Variants in DIPK2A observed in about 807,000 individuals in gnomAD.
DIPK2A encodes the protein Golgi Protein of 49 kDa.
In DIPK2A, 27 loss-of-function variants were observed where a neutral mutation model predicts 39.0. The observed-to-expected ratio is 0.69, with a 90% CI of 0.51 to 0.96. DIPK2A has a LOEUF of 0.96. Among genes scored for constraint, DIPK2A ranks in the 40% least tolerant of loss-of-function variants. The probability of loss-of-function intolerance (pLI) is 0.00; values close to 1 mark genes in which losing one functional copy is unlikely to be tolerated. For synonymous variants in DIPK2A, 298 were observed against 240.8 expected (o/e 1.24, Z -2.20); for missense variants, 528 against 571.3 (o/e 0.92, Z 0.77).
intron 1 of DIPK2A, among the ~76,000 whole-genome samples, chr3:143,981,697 CAA>C (rs2087831914): frequency 6.6e-6 from 1 of 151,798 alleles, no homozygotes; most frequent in South Asian, 2.1e-4. Context: ...AAAAACAAAA[CAA>C]AAAATAAACC....
intron 1 of DIPK2A, chr3:143,973,391 GTTC>G (rs2087686349): frequency 1.9e-6 from 3 of 1,548,970 alleles, no homozygotes; most frequent in Non-Finnish European, 2.6e-6. Flanking sequence ...ACCTTTCCTA[GTTC>G]TTCTGAAGTG....
At position 143,985,705 on chromosome 3, in the gene DIPK2A, C is replaced by G. The variant is rs1332727263; in HGVS notation, c.820C>G (p.Leu274Val). The change falls in exon 2 of 3, where the codon CTT (leucine) becomes GTT (valine). Residue 274 changes from leucine to valine, a missense_variant. By Grantham distance (32) the Leu-to-Val change is conservative (BLOSUM62 1). Around this residue, in one of 2 missense-constraint regions of DIPK2A, gnomAD observed 219 missense variants for 281.5 expected, o/e 0.78. Coordinates refer to ENST00000315691, the MANE Select transcript of DIPK2A (RefSeq NM_173552.5). ...AWQLMEIAEQ[L>V]TNNDFEFALY... ...GCAATTAATGGAAATAGCAGAACAG[C>G]TTACAAACAATGACTTTGAATTTGC... 1 of 1,614,158 alleles carries G rather than the reference C, an allele frequency of 6.2e-7. No homozygotes were observed. Among genetic ancestry groups the G allele is most frequent in the Non-Finnish European group, 8.5e-7 (1 of 1,180,000 alleles).
chr3:143,987,864 A>G (rs1469615969), intron 2 of DIPK2A, among the ~76,000 whole-genome samples: 1 of 152,164 alleles, frequency 6.6e-6, no homozygotes, highest in Non-Finnish European at 1.5e-5. Context: ...GCCATTAGCA[A>G]CCACCTAATT....
At chr3:143,981,207 A>G (rs1251392842) in intron 1 of DIPK2A, among the ~76,000 whole-genome samples, 1 of 152,216 alleles carries the variant, frequency 6.6e-6, no homozygotes, top group Non-Finnish European at 1.5e-5. Flanking sequence ...AATATACCAT[A>G]GCATACTGTT....
In DIPK2A at chr3:143,989,853, C is replaced by T. The variant is rs758886062; in HGVS notation, c.*12C>T. ...ACAACGTGAGGTAGTCTATGGTGAACTTTTCTTTTTTTCTCCATTTAAACA... is the reference window on the plus strand; with the variant it reads ...ACAACGTGAGGTAGTCTATGGTGAATTTTTCTTTTTTTCTCCATTTAAACA... On this transcript the variant is annotated 3_prime_UTR_variant, in exon 3 of 3. Transcript: ENST00000315691. The T allele has an allele frequency of 3.8e-6, 6 of 1,593,668 alleles. No individual in the cohort carries two copies. The highest frequency in any genetic ancestry group is 5.1e-6 in the Non-Finnish European group (6 of 1,166,082).
chr3:143,973,540 C>T (rs1376597090), intron 1 of DIPK2A: 5 of 1,547,928 alleles, frequency 3.2e-6, no homozygotes, highest in Non-Finnish European at 3.5e-6. Context: ...AGGATGAAGT[C>T]GGAGAACGGG....
rs1424262667 is a variant in DIPK2A, at chr3:143,986,496, G to A, written c.961+650G>A. On this transcript the variant is annotated intron_variant, in intron 2 of 2. Coordinates refer to ENST00000315691, the MANE Select transcript of DIPK2A (RefSeq NM_173552.5). ...TCCCAGCACTTTGGGAGGCCGAGGC[G>A]GGCGGATCACGAGGTCAGGAGATCG... 9.2e-5 allele frequency among the ~76,000 whole-genome samples: 14 copies of A among 152,172 alleles called. 1 individual carries two copies. Among genetic ancestry groups the A allele is most frequent in the Admixed American group, 5.2e-4 (8 of 15,290 alleles).
Position 143,989,680 on chromosome 3 carries a change from T to C in DIPK2A, c.1132T>C (p.Ser378Pro). Residue 378 changes from serine to proline, a missense_variant, in exon 3 of 3, where the codon TCT (serine) becomes CCT (proline). Transcript: ENST00000315691. ...LSRHATWRGT[S>P]GGLLHDPPSE... ...CAGACATGCCACCTGGCGTGGCACT[T>C]CTGGAGGACTCCTTCATGATCCACC... 1 of 1,614,234 alleles carries C rather than the reference T, an allele frequency of 6.2e-7. No homozygotes were observed. The highest frequency in any genetic ancestry group is 8.5e-7 in the Non-Finnish European group (1 of 1,180,042).
intron 1 of DIPK2A, 48 bp from the exon 2 acceptor site, chr3:143,985,495 G>T (rs748684876): frequency 6.7e-7 from 1 of 1,497,908 alleles, no homozygotes; most frequent in Non-Finnish European, 9.2e-7. Flanking sequence ...ATAGACCTAG[G>T]ATATTTTCAT....
At chr3:143,973,111 G>A in intron 1 of DIPK2A, 122 bp downstream of exon 1, 1 of 1,348,622 alleles carries the variant, frequency 7.4e-7, no homozygotes, top group Non-Finnish European at 1.0e-6. Flanking sequence ...GGGCCAGGCT[G>A]CAGGCGTGGG....
At position 143,973,625 on chromosome 3, in the gene DIPK2A, C is replaced by T. The variant is rs2087689494; in HGVS notation, c.657+636C>T. On this transcript the variant is annotated intron_variant, in intron 1 of 2. Transcript: ENST00000315691. Reference sequence around the variant, plus strand: ...AGAATCAGAAACAGGAAAAGTAAGGCAGCGTTGGACTTGGGGCTGGGAGGG... The same window carrying T: ...AGAATCAGAAACAGGAAAAGTAAGGTAGCGTTGGACTTGGGGCTGGGAGGG... 8 of 1,317,146 alleles carry T rather than the reference C, an allele frequency of 6.1e-6. 1 individual carries two copies. In the East Asian group the frequency reaches 2.0e-4, roughly 33 times the overall value. The allele number at this position is 1,317,146 out of a possible 1,614,324, so 81.6% of individuals were successfully genotyped here.
intron 1 of DIPK2A, 21 bp from the exon 2 acceptor site, chr3:143,985,522 A>G (rs2087886332): frequency 6.3e-7 from 1 of 1,596,608 alleles, no homozygotes; most frequent in African/African-American, 1.3e-5. Context: ...CTCTTGTAAT[A>G]TTAAGATAAT....
At position 143,972,004 on chromosome 3, in the gene DIPK2A, C is replaced by T; in HGVS notation, c.-329C>T. On this transcript the variant is annotated 5_prime_UTR_variant, in exon 1 of 3. Transcript: ENST00000315691. ...CGTGCGCGCGGGCACGGGCGCGCGA[C>T]CGTCGGGTCCCCGCGCTCCCTCCCC... 3.5e-6 allele frequency: 1 copy of T among 288,132 alleles called. No homozygotes were observed. Among genetic ancestry groups the T allele is most frequent in the Non-Finnish European group, 6.4e-6 (1 of 155,522 alleles). The allele number at this position is 288,132 out of a possible 1,614,324, so 17.8% of individuals were successfully genotyped here. A position where few individuals can be genotyped will look rare whatever the true frequency, so the allele number is the denominator to read the frequency against.
intron 1 of DIPK2A, 100 bp downstream of exon 1, chr3:143,973,089 C>T: frequency 2.1e-6 from 3 of 1,428,094 alleles, no homozygotes; most frequent in South Asian, 2.5e-5. Context: ...CCAGTTCGGA[C>T]TCGGCCGGGC....
At chr3:143,978,602 C>CTATATA (rs57854747) in intron 1 of DIPK2A, 4 of 137,538 alleles carry the variant, frequency 2.9e-5, no homozygotes, top group Non-Finnish European at 4.7e-5. Context: ...ATCTATCTAT[C>CTATATA]TATATATATA....
Position 143,972,201 on chromosome 3 carries a change from C to T in DIPK2A, c.-132C>T, listed in dbSNP as rs2087659463. On this transcript the variant is annotated 5_prime_UTR_variant, in exon 1 of 3. Transcript: ENST00000315691. ...CGTCTTCCTCTCTCACACACCTACT[C>T]CGCCCTCCGCCCCAGCCCGCGCGCT... The T allele has an allele frequency of 3.8e-6, 3 of 784,532 alleles. No individual in the cohort carries two copies. The highest frequency in any genetic ancestry group is 4.0e-4 in the Middle Eastern group (1 of 2,512). The allele number at this position is 784,532 out of a possible 1,614,324, so 48.6% of individuals were successfully genotyped here.
chr3:143,975,108 G>A (rs1008517822), intron 1 of DIPK2A, among the ~76,000 whole-genome samples: 2 of 152,086 alleles, frequency 1.3e-5, no homozygotes, highest in African/African-American at 4.8e-5. Flanking sequence ...TGGGCCATAG[G>A]ATAAGAATTT....
chr3:143,983,272 T>C (rs2087850902), intron 1 of DIPK2A, among the ~76,000 whole-genome samples: 1 of 152,194 alleles, frequency 6.6e-6, no homozygotes, highest in African/African-American at 2.4e-5. Context: ...AGAATACACA[T>C]TCTTCTCAGC....
chr3:143,973,198 G>T (rs1367834074), intron 1 of DIPK2A: 1 of 1,017,668 alleles, frequency 9.8e-7, no homozygotes, highest in East Asian at 2.6e-5. Context: ...GTCTGCTCTT[G>T]TTACCTAGAT....
Sources: allele counts gnomAD v4.1 joint callset (sites outside exome capture counted in the v4.1 genomes callset), GRCh38; gene constraint gnomAD v4.1.1; regional missense constraint gnomAD v4.1.1; transcripts MANE v1.5; gene names NCBI Gene and HGNC (gene_info 2026-07-23, HGNC 2026-07-21).